The following SMC6 variants were observed in gnomAD, a reference collection of about 807,000 sequenced individuals.
SMC6 encodes the protein structural maintenance of chromosomes protein 6.
SMC6 carries 79 observed loss-of-function variants against 142.2 expected under a neutral mutation model. That is an observed-to-expected ratio of 0.56 (90% CI 0.46 to 0.67). The LOEUF is 0.67. Among genes scored for constraint, SMC6 ranks in the 30% least tolerant of loss-of-function variants. The pLI, the probability that SMC6 is intolerant of heterozygous loss-of-function variation, is 0.00. For synonymous variants in SMC6, 411 were observed against 412.4 expected, an observed-to-expected ratio of 1.00 and a Z score of 0.04; for missense variants, 1,072 against 1,284.0, an observed-to-expected ratio of 0.83 and a Z score of 2.52.
intron 3 of SMC6, among the ~76,000 whole-genome samples, chr2:17,744,124 G>A (rs1194062471): frequency 1.3e-5 from 2 of 152,190 alleles, no homozygotes; most frequent in African/African-American, 4.8e-5. Flanking sequence ...TGTATGGTAA[G>A]AGGATGTTTG....
chr2:17,667,910 T>C (rs1666575952), intron 26 of SMC6, among the ~76,000 whole-genome samples: 1 of 152,164 alleles, frequency 6.6e-6, no homozygotes, highest in South Asian at 2.1e-4. Context: ...CATGGTGATT[T>C]AGAACAAGGG....
At chr2:17,722,336 C>T (rs1669411118) in intron 9 of SMC6, among the ~76,000 whole-genome samples, 1 of 152,154 alleles carries the variant, frequency 6.6e-6, no homozygotes. Flanking sequence ...TTGGATTCTA[C>T]CCCTTTTCTA....
At chr2:17,751,939 A>C (rs1052425222) in intron 2 of SMC6, among the ~76,000 whole-genome samples, 1 of 152,262 alleles carries the variant, frequency 6.6e-6, no homozygotes, top group Admixed American at 6.5e-5. Context: ...AGATTCAGTA[A>C]AATACACTCA....
At chr2:17,678,790 C>T in intron 25 of SMC6, 69 bp downstream of exon 25, 2 of 1,234,784 alleles carry the variant, frequency 1.6e-6, no homozygotes, top group Non-Finnish European at 1.1e-6. Context: ...AAAAACCCAA[C>T]AAAAATAGAA....
intron 26 of SMC6, among the ~76,000 whole-genome samples, chr2:17,668,823 G>A (rs191550405): frequency 2.0e-4 from 30 of 152,220 alleles, no homozygotes; most frequent in African/African-American, 5.8e-4. Context: ...AGGCAGGTAC[G>A]ATATCATGAA....
Position 17,714,997 on chromosome 2 carries a change from G to T in SMC6, c.1594C>A (p.Gln532Lys). The change falls in exon 16 of 28, where the codon CAG (glutamine) becomes AAG (lysine). Residue 532 changes from glutamine to lysine, a missense_variant. Gln to Lys is a moderately conservative substitution (Grantham distance 53). Transcript: ENST00000448223. The stretch of plus-strand genomic sequence containing the variant: ...GCATGATTATGGCAACAATAGGCCT[G>T]CAGAAGCCCTTTTAAGCAAGATTCA... ...AIESCLKGLL[Q>K]AYCCHNHADE... 2 of 1,613,982 alleles carry T rather than the reference G, an allele frequency of 1.2e-6. No homozygotes were observed. The highest frequency in any genetic ancestry group is 1.7e-6 in the Non-Finnish European group (2 of 1,179,940).
At chr2:17,742,273 A>G (rs1244686149) in intron 3 of SMC6, among the ~76,000 whole-genome samples, 1 of 152,214 alleles carries the variant, frequency 6.6e-6, no homozygotes, top group East Asian at 1.9e-4. Context: ...TGAATTCACT[A>G]TCTGACATTC....
At chr2:17,716,390 ATTAT>A (rs1409240598) in intron 14 of SMC6, 126 bp from the exon 15 acceptor site, 2 of 860,686 alleles carry the variant, frequency 2.3e-6, no homozygotes, top group Admixed American at 7.1e-5. Context: ...CAAAAGCAGA[ATTAT>A]TTATTTGAAA....
At chr2:17,710,183 T>C (rs1668758319) in intron 16 of SMC6, among the ~76,000 whole-genome samples, 2 of 152,340 alleles carry the variant, frequency 1.3e-5, no homozygotes, top group African/African-American at 2.4e-5. Flanking sequence ...CGTGAGCCAG[T>C]AGAGTCACCA....
intron 27 of SMC6, 136 bp from the exon 28 acceptor site, chr2:17,665,749 T>C: frequency 9.2e-6 from 4 of 435,414 alleles, no homozygotes; most frequent in Non-Finnish European, 1.2e-5. Flanking sequence ...TCTAGAGTTC[T>C]AGGAGAAACA....
At chr2:17,678,489 T>G (rs1667095704) in intron 25 of SMC6, among the ~76,000 whole-genome samples, 1 of 151,474 alleles carries the variant, frequency 6.6e-6, no homozygotes, top group Admixed American at 6.6e-5. Context: ...AGCAGCAGGC[T>G]GGGCATGGTG....
At chr2:17,714,083 G>T (rs1057349816) in intron 16 of SMC6, among the ~76,000 whole-genome samples, 70 of 118,236 alleles carry the variant, frequency 5.9e-4, no homozygotes, top group South Asian at 1.6e-3. Flanking sequence ...TTCATTTTTT[G>T]TTTTTTTTGT....
chr2:17,707,615 T>C (rs1316015438), intron 17 of SMC6, among the ~76,000 whole-genome samples: 2 of 152,110 alleles, frequency 1.3e-5, no homozygotes, highest in East Asian at 3.8e-4. Context: ...TCATGACAAA[T>C]TGGTGTATAT....
chr2:17,732,249 T>A (rs1669947363), intron 5 of SMC6, among the ~76,000 whole-genome samples: 1 of 152,222 alleles, frequency 6.6e-6, no homozygotes, highest in East Asian at 1.9e-4. Context: ...TACTGTAAGT[T>A]ATATAAAGCA....
Position 17,718,179 on chromosome 2 carries a change from G to A in SMC6, c.990C>T (p.Asp330=). 6.2e-7 allele frequency: 1 copy of A among 1,609,156 alleles called. No homozygotes were observed. The highest frequency in any genetic ancestry group is 8.5e-7 in the Non-Finnish European group (1 of 1,177,120). The change falls in exon 12 of 28, where the codon GAC becomes GAT. Residue 330 remains aspartate, a synonymous_variant. Transcript: ENST00000448223. ...TCTCTTCACTAATCTTTTCTAGTTT[G>A]TCTTGAATATCCTTGTACTTTTGTT... ...EAEQKYKDIQ[D]KLEKISEETN...
chr2:17,671,910 T>C (rs1355359184), intron 25 of SMC6, among the ~76,000 whole-genome samples: 1 of 152,100 alleles, frequency 6.6e-6, no homozygotes, highest in Non-Finnish European at 1.5e-5. Flanking sequence ...ACAACTAGTT[T>C]CATATCAATA....
chr2:17,728,334 C>T (rs149716461), intron 7 of SMC6, among the ~76,000 whole-genome samples: 13 of 152,222 alleles, frequency 8.5e-5, no homozygotes, highest in Admixed American at 2.6e-4. Flanking sequence ...TCTCAGGAGG[C>T]TGAGGTGGAG....
At chr2:17,680,861 T>G (rs1310726861) in intron 24 of SMC6, 1 of 152,210 alleles carries the variant, frequency 6.6e-6, no homozygotes, top group Admixed American at 6.5e-5. Context: ...AAATAAACAT[T>G]GGCTTAAACT....
intron 23 of SMC6, among the ~76,000 whole-genome samples, chr2:17,689,322 G>A (rs1004431146): frequency 1.3e-5 from 2 of 152,024 alleles, no homozygotes; most frequent in African/African-American, 2.4e-5. Context: ...TGAAATACAC[G>A]ACCCTAGACT....
Sources: allele counts gnomAD v4.1 joint callset (sites outside exome capture counted in the v4.1 genomes callset), GRCh38; gene constraint gnomAD v4.1.1; transcripts MANE v1.5; gene names NCBI Gene and HGNC (gene_info 2026-07-23, HGNC 2026-07-21).